Variants in TENM3 observed in about 807,000 individuals in gnomAD.
TENM3 encodes teneurin transmembrane protein 3.
In TENM3, 63 loss-of-function variants were observed where a neutral mutation model predicts 255.1. The observed-to-expected ratio is 0.25, with a 90% CI of 0.20 to 0.30. The LOEUF is 0.30. Among genes scored for constraint, TENM3 ranks in the 10% least tolerant of loss-of-function variants. TENM3 has a pLI of 1.00. For missense variants in TENM3, 2,929 were observed against 3,461.1 expected, an observed-to-expected ratio of 0.85 and a Z score of 3.86; for synonymous variants, 1,306 against 1,322.3, an observed-to-expected ratio of 0.99 and a Z score of 0.27.
At chr4:181,741,077 T>C in the TENM3 span, among the ~76,000 whole-genome samples, 66 of 152,338 alleles carry the variant, frequency 4.3e-4, no homozygotes, top group African/African-American at 1.4e-3. Flanking sequence ...TTTCTATGAC[T>C]GAAATGGAAT....
the TENM3 span, among the ~76,000 whole-genome samples, chr4:181,937,832 G>C: frequency 6.6e-6 from 1 of 152,188 alleles, no homozygotes; most frequent in Non-Finnish European, 1.5e-5. Context: ...TTCTCCCAGA[G>C]TGGAAAGTTT....
chr4:182,386,741 C>T (rs993947888), intron 3 of TENM3, among the ~76,000 whole-genome samples: 2 of 152,232 alleles, frequency 1.3e-5, no homozygotes, highest in African/African-American at 2.4e-5. Context: ...AGTGCCAGCC[C>T]ACCGGCGCTG....
At chr4:182,479,698 A>G (rs1734010887) in intron 3 of TENM3, among the ~76,000 whole-genome samples, 1 of 152,036 alleles carries the variant, frequency 6.6e-6, no homozygotes, top group Non-Finnish European at 1.5e-5. Flanking sequence ...ATAAATAACC[A>G]TAGGATCTAC....
At chr4:182,639,914 A>G (rs911814098) in intron 5 of TENM3, among the ~76,000 whole-genome samples, 2 of 151,826 alleles carry the variant, frequency 1.3e-5, no homozygotes, top group Non-Finnish European at 2.9e-5. Context: ...ACATGGTGAA[A>G]CCCCGTCTCT....
At chr4:181,457,452 G>C in the TENM3 span, among the ~76,000 whole-genome samples, 1 of 151,018 alleles carries the variant, frequency 6.6e-6, no homozygotes, top group African/African-American at 2.4e-5. Flanking sequence ...TTTTGTTTGG[G>C]GCTCTCTCGA....
chr4:182,008,149 C>G, the TENM3 span, among the ~76,000 whole-genome samples: 11 of 152,236 alleles, frequency 7.2e-5, no homozygotes, highest in Non-Finnish European at 1.0e-4. Context: ...TCTGGCTGCC[C>G]TTAACAGTTT....
intron 1 of TENM3, among the ~76,000 whole-genome samples, chr4:182,251,998 C>T (rs533943849): frequency 6.6e-6 from 1 of 152,150 alleles, no homozygotes; most frequent in South Asian, 2.1e-4. Flanking sequence ...GCCTGGCCAA[C>T]ATGGTGAAAC....
At chr4:181,882,321 C>G in the TENM3 span, among the ~76,000 whole-genome samples, 7 of 152,170 alleles carry the variant, frequency 4.6e-5, no homozygotes, top group Admixed American at 4.6e-4. Context: ...TGTTCCTCAT[C>G]ACTTTGTGTA....
At chr4:182,629,400 A>G (rs1043117627) in intron 5 of TENM3, among the ~76,000 whole-genome samples, 1 of 152,100 alleles carries the variant, frequency 6.6e-6, no homozygotes, top group South Asian at 2.1e-4. Flanking sequence ...TGGATTATAT[A>G]CTCATTCATA....
rs369494874 is a variant in TENM3 at position 182,772,560 on chromosome 4, T to C, written c.4893-912T>C. ...CTCATCCAGATTTTTGCTTTTTTTT[T>C]TTTCTTTCTTCAGACGACACCATCA... On this transcript the variant is annotated intron_variant, in intron 22 of 27. Transcript: ENST00000511685. 1.1e-4 allele frequency: 17 copies of C among 152,296 alleles called. 2 individuals are homozygous for C. The highest frequency in any genetic ancestry group is 3.9e-4 in the African/African-American group (16 of 41,554). The allele number at this position is 152,296 out of a possible 1,614,324, so 9.4% of individuals were successfully genotyped here. A position where few individuals can be genotyped will look rare whatever the true frequency, so the allele number is the denominator to read the frequency against.
At chr4:182,216,410 A>G (rs1387495822) in intron 1 of TENM3, among the ~76,000 whole-genome samples, 1 of 152,192 alleles carries the variant, frequency 6.6e-6, no homozygotes, top group Non-Finnish European at 1.5e-5. Context: ...GTTCCACTGC[A>G]CTAGATCAAC....
chr4:181,531,063 C>G, the TENM3 span, among the ~76,000 whole-genome samples: 1 of 152,056 alleles, frequency 6.6e-6, no homozygotes, highest in Non-Finnish European at 1.5e-5. Flanking sequence ...TGACTATTAG[C>G]ATCAATTTTT....
At chr4:181,509,639 T>A in the TENM3 span, among the ~76,000 whole-genome samples, 2 of 152,310 alleles carry the variant, frequency 1.3e-5, no homozygotes, top group Middle Eastern at 3.4e-3. Flanking sequence ...GGAAAAGGAT[T>A]GAACAGAACT....
intron 3 of TENM3, among the ~76,000 whole-genome samples, chr4:182,418,823 G>A (rs1185208417): frequency 2.6e-5 from 4 of 152,184 alleles, no homozygotes; most frequent in South Asian, 2.1e-4. Context: ...TCAGCCTCCC[G>A]AAGTGCTGGG....
chr4:181,589,263 T>C, the TENM3 span, among the ~76,000 whole-genome samples: 4 of 152,236 alleles, frequency 2.6e-5, no homozygotes, highest in Admixed American at 1.3e-4. Flanking sequence ...TGTAAACACA[T>C]ACGTTTTTAT....
the TENM3 span, among the ~76,000 whole-genome samples, chr4:182,103,287 G>A: frequency 2.6e-5 from 4 of 152,092 alleles, no homozygotes; most frequent in African/African-American, 2.4e-5. Flanking sequence ...TAATATTGCC[G>A]AAGGCACTAG....
At chr4:182,140,347 T>C (rs977847185), upstream of TENM3, among the ~76,000 whole-genome samples, 1 of 152,098 alleles carries the variant, frequency 6.6e-6, no homozygotes, top group Non-Finnish European at 1.5e-5. Flanking sequence ...CTTTTGGGCA[T>C]ATGTGGGTTA....
rs191079367 is a variant in TENM3 at position 182,296,902 on chromosome 4, T to A, written c.-75-27044T>A. The stretch of plus-strand genomic sequence containing the variant: ...TGTTTCTGATTTTGACAGCATGGCC[T>A]CCTGGAAAATAAAACATAGATTTCC... On this transcript the variant is annotated intron_variant, in intron 1 of 27. Coordinates refer to ENST00000511685, the MANE Select transcript of TENM3 (RefSeq NM_001080477.4). Among the ~76,000 whole-genome samples, 30 of 152,274 alleles carry A rather than the reference T, an allele frequency of 2.0e-4. No individual in the cohort carries two copies. The East Asian group carries it at 5.8e-3, about 29-fold the overall frequency.
At chr4:181,695,925 CTT>C in the TENM3 span, among the ~76,000 whole-genome samples, 2 of 144,726 alleles carry the variant, frequency 1.4e-5, no homozygotes, top group Non-Finnish European at 1.5e-5. Context: ...AGAGGAAAGA[CTT>C]TTTTTTTTTT....
Sources: allele counts gnomAD v4.1 joint callset (sites outside exome capture counted in the v4.1 genomes callset), GRCh38; gene constraint gnomAD v4.1.1; transcripts MANE v1.5; gene names NCBI Gene and HGNC (gene_info 2026-07-23, HGNC 2026-07-21).